Variants in PCNT observed in about 807,000 individuals in gnomAD.
The protein encoded by PCNT is kendrin.
In PCNT, 319 loss-of-function variants were observed where a neutral mutation model predicts 380.4. The observed-to-expected ratio is 0.84, with a 90% CI of 0.77 to 0.92. The LOEUF (loss-of-function observed/expected upper bound fraction) is 0.92, where lower values mean the gene tolerates loss of function less well. Among genes scored for constraint, PCNT ranks in the 40% least tolerant of loss-of-function variants. The pLI, the probability that PCNT is intolerant of heterozygous loss-of-function variation, is 0.00. For missense variants in PCNT, 4,400 were observed against 4,255.3 expected (o/e 1.03, Z -0.95); for synonymous variants, 1,845 against 1,735.2 (o/e 1.06, Z -1.57).
intron 15 of PCNT, among the ~76,000 whole-genome samples, chr21:46,379,812 G>T (rs567001697): frequency 2.6e-5 from 4 of 152,252 alleles, no homozygotes; most frequent in Non-Finnish European, 4.4e-5. Context: ...TCTGCTGAGG[G>T]CCCTGCGTGC....
intron 21 of PCNT, among the ~76,000 whole-genome samples, chr21:46,392,570 T>C (rs1276741009): frequency 3.3e-5 from 5 of 152,232 alleles, no homozygotes. Context: ...CTTTTGGACA[T>C]GTTTGCTGCC....
Position 46,352,902 on chromosome 21 carries a change from C to T in PCNT, c.1457-202C>T, listed in dbSNP as rs191422136. On this transcript the variant is annotated intron_variant, in intron 9 of 46. Transcript: ENST00000359568. ...TGCTTTTGCTCCCAGCCCTGTGGCT[C>T]TTGCCACCGCTTGGAGAGAGCTCTC... Among the ~76,000 whole-genome samples, 3 of 152,336 alleles carry T rather than the reference C, an allele frequency of 2.0e-5. No individual in the cohort carries two copies. In the East Asian group the frequency reaches 5.8e-4, roughly 29 times the overall value.
At chr21:46,399,491 A>G (rs2086349555) in intron 24 of PCNT, 99 bp from the exon 25 acceptor site, 1 of 860,874 alleles carries the variant, frequency 1.2e-6, no homozygotes, top group Non-Finnish European at 1.9e-6. Flanking sequence ...GGCATAGGGC[A>G]TCTATTTTGT....
At chr21:46,363,982 T>G (rs1203082828) in intron 14 of PCNT, 48 bp downstream of exon 14, 22 of 1,553,660 alleles carry the variant, frequency 1.4e-5, no homozygotes, top group Non-Finnish European at 1.8e-5. Flanking sequence ...GCCAGACACC[T>G]TGGAGGGTAG....
chr21:46,346,208 G>C lies in PCNT; in HGVS notation c.720G>C (p.Gln240His). 1 of 1,613,914 alleles carries C rather than the reference G, an allele frequency of 6.2e-7. No homozygotes were observed. Among genetic ancestry groups the C allele is most frequent in the Non-Finnish European group, 8.5e-7 (1 of 1,179,896 alleles). The change falls in exon 4 of 47, where the codon CAG becomes CAC. Residue 240 changes from glutamine to histidine, a missense_variant and splice_region_variant. Gln to His is a conservative substitution (Grantham distance 24). Coordinates refer to ENST00000359568, the MANE Select transcript of PCNT (RefSeq NM_006031.6). ...REDEAGLHQS[Q>H]AVHGLELEAL... is the part of the protein sequence containing the mutation. ...ATGAGGCTGGCCTGCATCAGAGTCA[G>C]GTGACCCGGCGGGGCCTGCACAGGC...
chr21:46,355,594 G>A lies in PCNT; in HGVS notation c.1904G>A (p.Trp635Ter), dbSNP rs1262188453. The change falls in exon 12 of 47, where the codon TGG becomes TAG. Residue 635 changes from tryptophan (W) to a stop codon, truncating the protein, a stop_gained. Transcript: ENST00000359568. LOFTEE classifies it high-confidence loss of function. The stretch of plus-strand genomic sequence containing the variant: ...GAGACTTCAGCATTGGGACACGAGT[G>A]GCGTCTGGAACCCTCTGAAGGGCAC... ...CVETSALGHE[W>*]RLEPSEGHSQ... 3 of 1,614,058 alleles carry A rather than the reference G, an allele frequency of 1.9e-6. No homozygotes were observed. Among genetic ancestry groups the A allele is most frequent in the Non-Finnish European group, 2.5e-6 (3 of 1,180,012 alleles).
chr21:46,370,250 C>T (rs1250079184), intron 15 of PCNT, among the ~76,000 whole-genome samples: 1 of 151,904 alleles, frequency 6.6e-6, no homozygotes. Context: ...TGGTTGGCCT[C>T]CCCTCCTGTT....
rs181302762 is a variant in PCNT, at chr21:46,332,669, C to T, written c.268-1728C>T. Among the ~76,000 whole-genome samples the T allele has an allele frequency of 2.9e-3, 447 of 152,280 alleles. 2 individuals are homozygous for T. The highest frequency in any genetic ancestry group is 0.01 in the African/African-American group (435 of 41,556). ...AGACTTGTCTGAGATTTTATTTTCA[C>T]GTCAGTTTTGCCATCATCATTGGCC... On this transcript the variant is annotated intron_variant, in intron 2 of 46. Coordinates refer to ENST00000359568, the MANE Select transcript of PCNT (RefSeq NM_006031.6).
intron 41 of PCNT, 108 bp downstream of exon 41, chr21:46,438,445 G>T: frequency 3.1e-6 from 3 of 955,930 alleles, no homozygotes; most frequent in South Asian, 2.7e-5. Flanking sequence ...GGGGATGTGG[G>T]CGTCACCTTC....
At chr21:46,430,775 C>T (rs762339476) in intron 37 of PCNT, 118 bp downstream of exon 37, 21 of 1,535,058 alleles carry the variant, frequency 1.4e-5, no homozygotes, top group African/African-American at 2.7e-5. Flanking sequence ...CAGTTGACAG[C>T]AGTGTGACGT....
Position 46,397,481 on chromosome 21 carries a change from G to T in PCNT, c.4433G>T (p.Arg1478Leu), listed in dbSNP as rs1433544232. The T allele has an allele frequency of 9.9e-6, 16 of 1,613,382 alleles. No homozygotes were observed. The highest frequency in any genetic ancestry group is 1.3e-5 in the Non-Finnish European group (15 of 1,179,480). ...ASLDKHLRNQRQFMDEQAAER... is the reference protein window; with the variant it reads ...ASLDKHLRNQLQFMDEQAAER... The stretch of plus-strand genomic sequence containing the variant: ...CTGGACAAGCATTTGCGCAACCAGC[G>T]GCAATTCATGGATGTAAGAATTCTG... Residue 1478 changes from arginine (R) to leucine (L), a missense_variant, in exon 22 of 47, where the codon CGG (arginine) becomes CTG (leucine). Arg to Leu is a moderately radical substitution (Grantham distance 102). Transcript: ENST00000359568.
In PCNT at chr21:46,425,944, C is replaced by T. The variant is rs917460079; in HGVS notation, c.7293C>T (p.Asp2431=). The T allele has an allele frequency of 2.5e-6, 4 of 1,613,984 alleles. No individual in the cohort carries two copies. The African/African-American group carries it at 5.3e-5, about 22-fold the overall frequency. ...HPPRKEDEIQ[D]ISLHGGKTQE... ...CCCGGAAGGAAGACGAGATACAGGA[C>T]ATCTCGCTCCATGGGGGAAAGACGC... The change falls in exon 33 of 47, where the codon GAC becomes GAT. Residue 2431 remains aspartate, a synonymous_variant. Transcript: ENST00000359568. This position sits in a 1 kb window ranked among gnomAD's most constrained non-coding sequence, Gnocchi z 4.2.
In PCNT at chr21:46,388,798, G is replaced by A. The variant is rs2085929157; in HGVS notation, c.3521G>A (p.Arg1174Lys). 1.2e-6 allele frequency: 2 copies of A among 1,613,518 alleles called. No homozygotes were observed. The highest frequency in any genetic ancestry group is 1.7e-6 in the Non-Finnish European group (2 of 1,179,988). ...RLLGLFGETL[R>K]AAVTLRSRIG... The stretch of plus-strand genomic sequence containing the variant: ...CTGGGTTTGTTTGGAGAGACGCTGA[G>A]GGCAGCCGTCACCCTGAGGAGCCGG... Residue 1174 changes from arginine to lysine, a missense_variant, in exon 18 of 47, where the codon AGG becomes AAG. By Grantham distance (26) the Arg-to-Lys change is conservative. Coordinates refer to ENST00000359568, the MANE Select transcript of PCNT (RefSeq NM_006031.6). This position sits in a 1 kb window ranked among gnomAD's most constrained non-coding sequence, Gnocchi z 4.2.
intron 35 of PCNT, 151 bp from the exon 36 acceptor site, chr21:46,429,859 C>T: frequency 1.5e-6 from 1 of 658,122 alleles, no homozygotes; most frequent in East Asian, 2.7e-5. Flanking sequence ...ATCCTGGTTC[C>T]ACCCGCAGTG....
At chr21:46,433,912 C>T (rs894633637) in intron 38 of PCNT, among the ~76,000 whole-genome samples, 4 of 152,172 alleles carry the variant, frequency 2.6e-5, no homozygotes, top group Non-Finnish European at 5.9e-5. Flanking sequence ...GCTGGGATTA[C>T]AGGTGCATGT....
At chr21:46,398,277 G>C in intron 24 of PCNT, 22 bp downstream of exon 24, 2 of 1,596,672 alleles carry the variant, frequency 1.3e-6, no homozygotes, top group Non-Finnish European at 1.7e-6. Flanking sequence ...TCAACGAGAT[G>C]GGCACTCCCT....
intron 45 of PCNT, 50 bp from the exon 46 acceptor site, chr21:46,444,644 A>G (rs1601229755): frequency 2.1e-6 from 3 of 1,458,984 alleles, no homozygotes; most frequent in East Asian, 4.7e-5. Flanking sequence ...GTCAAACTCA[A>G]CTCTTTTTTT....
chr21:46,411,820 C>G lies in PCNT; in HGVS notation c.5747C>G (p.Pro1916Arg). 6.3e-7 allele frequency: 1 copy of G among 1,576,562 alleles called. No individual in the cohort carries two copies. Among genetic ancestry groups the G allele is most frequent in the Non-Finnish European group, 8.6e-7 (1 of 1,166,134 alleles). The change falls in exon 28 of 47, where the codon CCT becomes CGT. Residue 1916 changes from proline to arginine, a missense_variant. Pro to Arg is a moderately radical substitution (Grantham distance 103, BLOSUM62 -2). Transcript: ENST00000359568. ...CAGCCCCTGGCAGCCGGGGCGGCGCCTCCCGAGCTGCAGTGGCTCCGAGCG... is the reference window on the plus strand; with the variant it reads ...CAGCCCCTGGCAGCCGGGGCGGCGCGTCCCGAGCTGCAGTGGCTCCGAGCG... ...EQQPLAAGAAPPELQWLRAQC... is the reference protein window; with the variant it reads ...EQQPLAAGAARPELQWLRAQC...
chr21:46,399,308 T>TCAGCCTGTGGGTCTAGGTCTCCCTGTG (rs2086334226), intron 24 of PCNT, among the ~76,000 whole-genome samples: 2 of 22,652 alleles, frequency 8.8e-5, no homozygotes, highest in African/African-American at 3.7e-4. Context: ...GGGTCTCTTT[T>TCAGCCTGTGGGTCTAGGTCTCCCTGTG]CAGCCTGTGG....
Sources: allele counts gnomAD v4.1 joint callset (sites outside exome capture counted in the v4.1 genomes callset), GRCh38; gene constraint gnomAD v4.1.1; non-coding constraint Gnocchi (gnomAD v3.1); transcripts MANE v1.5; gene names NCBI Gene and HGNC (gene_info 2026-07-23, HGNC 2026-07-21).